KPNA7: variants seen among roughly 807,000 people sequenced by gnomAD.
KPNA7 encodes karyopherin subunit alpha 7, also known as importin subunit alpha-8.
Under a neutral mutation model 53.7 loss-of-function variants are expected in KPNA7, and 54 were observed. The observed-to-expected ratio is 1.01, with a 90% CI of 0.81 to 1.26. The LOEUF (loss-of-function observed/expected upper bound fraction) is 1.26. Ranked by LOEUF, KPNA7 falls within the 50% of genes most tolerant of loss-of-function variation. The pLI is 0.00. For missense variants in KPNA7, 640 were observed against 644.5 expected (o/e 0.99, Z 0.07); for synonymous variants, 276 against 259.3 (o/e 1.06, Z -0.62).
chr7:99,188,624 G>A, intron 6 of KPNA7, 61 bp from the exon 7 acceptor site: 2 of 1,491,824 alleles, frequency 1.3e-6, no homozygotes, highest in Non-Finnish European at 1.8e-6. Flanking sequence ...AAACAGCAGT[G>A]TGTTCTTACC....
the KPNA7 span, among the ~76,000 whole-genome samples, chr7:99,149,027 C>T: frequency 2.6e-5 from 4 of 151,540 alleles, no homozygotes; most frequent in East Asian, 7.8e-4. Flanking sequence ...TTCCGAGTAG[C>T]TGGGATTACA....
intron 3 of KPNA7, among the ~76,000 whole-genome samples, chr7:99,201,611 C>G (rs998362554): frequency 6.7e-6 from 1 of 149,914 alleles, no homozygotes; most frequent in Non-Finnish European, 1.5e-5. Context: ...TGCGGTGAGC[C>G]AAGATCGTGC....
the KPNA7 span, among the ~76,000 whole-genome samples, chr7:99,165,863 A>C: frequency 6.6e-6 from 1 of 152,066 alleles, no homozygotes. Flanking sequence ...TGTGTCTCTG[A>C]CCAAATCTCA....
upstream of KPNA7, among the ~76,000 whole-genome samples, chr7:99,211,725 C>G (rs1430053271): frequency 6.6e-6 from 1 of 152,212 alleles, no homozygotes; most frequent in South Asian, 2.1e-4. Context: ...AGGAAACCAA[C>G]AGCCCACACC....
intron 2 of KPNA7, among the ~76,000 whole-genome samples, chr7:99,204,798 G>A (rs1161323854): frequency 6.6e-6 from 1 of 152,152 alleles, no homozygotes; most frequent in African/African-American, 2.4e-5. Flanking sequence ...AGAGGCTGCA[G>A]TGAACTATGA....
intron 4 of KPNA7, 68 bp from the exon 5 acceptor site, chr7:99,195,406 A>G: frequency 6.9e-7 from 1 of 1,447,950 alleles, no homozygotes; most frequent in Non-Finnish European, 9.4e-7. Flanking sequence ...ACCTCCTTTT[A>G]GGCCAGGTGC....
At chr7:99,150,635 C>T in the KPNA7 span, among the ~76,000 whole-genome samples, 66 of 151,982 alleles carry the variant, frequency 4.3e-4, no homozygotes, top group African/African-American at 1.5e-3. Flanking sequence ...AGGCTGGTCT[C>T]GAACTCCTGA....
chr7:99,176,187 A>C (rs955681862), intron 10 of KPNA7, among the ~76,000 whole-genome samples: 3 of 151,400 alleles, frequency 2.0e-5, no homozygotes, highest in Non-Finnish European at 4.4e-5. Context: ...AATCCCAGCT[A>C]CTTGGGAGGC....
intron 6 of KPNA7, among the ~76,000 whole-genome samples, chr7:99,191,950 G>C (rs1789978082): frequency 1.3e-5 from 2 of 152,264 alleles, no homozygotes; most frequent in Non-Finnish European, 2.9e-5. Context: ...GTTCCCAGAT[G>C]AAGGTTTTGA....
intron 1 of KPNA7, among the ~76,000 whole-genome samples, chr7:99,215,412 C>T (rs1791193395): frequency 6.8e-6 from 1 of 148,080 alleles, no homozygotes; most frequent in African/African-American, 2.5e-5. Flanking sequence ...TTGCCACCTT[C>T]CTTCAAACCA....
chr7:99,187,796 TTTTAAAAAAAAAAAAAAAAAAAA>T (rs1296433197), intron 7 of KPNA7, among the ~76,000 whole-genome samples: 20 of 30,740 alleles, frequency 6.5e-4, no homozygotes, highest in Middle Eastern at 0.01. Context: ...CGGCCTTTTT[TTTTAAAAAAAAAAAAAAAAAAAA>T]AAAAAAAAAA....
intron 6 of KPNA7, among the ~76,000 whole-genome samples, chr7:99,189,382 C>T (rs1250941790): frequency 6.6e-6 from 1 of 151,908 alleles, no homozygotes; most frequent in Non-Finnish European, 1.5e-5. Context: ...CTACCTCCAC[C>T]TCCCAAAGTG....
At chr7:99,182,348 C>G (rs1206235314) in intron 8 of KPNA7, among the ~76,000 whole-genome samples, 1 of 152,162 alleles carries the variant, frequency 6.6e-6, no homozygotes, top group African/African-American at 2.4e-5. Flanking sequence ...CAGGTGTGTG[C>G]CACCACGCCC....
the KPNA7 span, among the ~76,000 whole-genome samples, chr7:99,160,517 C>T: frequency 2.0e-5 from 3 of 151,742 alleles, no homozygotes; most frequent in Non-Finnish European, 4.4e-5. Context: ...TTTTGAACTC[C>T]TAGGCTCAAG....
the KPNA7 span, among the ~76,000 whole-genome samples, chr7:99,157,685 C>G: frequency 6.6e-6 from 1 of 152,156 alleles, no homozygotes; most frequent in African/African-American, 2.4e-5. Context: ...ACTGAATGCC[C>G]TATGGATGTG....
intron 3 of KPNA7, among the ~76,000 whole-genome samples, chr7:99,199,231 G>A (rs1323004790): frequency 6.6e-6 from 1 of 151,984 alleles, no homozygotes; most frequent in Non-Finnish European, 1.5e-5. Context: ...TGCCCTTATT[G>A]TAGAAATTGA....
At chr7:99,204,182 C>T (rs1366741825) in intron 2 of KPNA7, among the ~76,000 whole-genome samples, 1 of 152,048 alleles carries the variant, frequency 6.6e-6, no homozygotes, top group Admixed American at 6.6e-5. Context: ...AATTCTAGAC[C>T]AGCCTGGACA....
chr7:99,199,065 G>GAAAAAAAAAAAA (rs67877761), intron 3 of KPNA7, among the ~76,000 whole-genome samples: 11 of 61,118 alleles, frequency 1.8e-4, no homozygotes, highest in East Asian at 5.8e-4. Context: ...GCTGCAAACT[G>GAAAAAAAAAAAA]AAAAAAAAAA....
chr7:99,181,917 A>T lies in KPNA7; in HGVS notation c.1283T>A (p.Leu428His). The T allele has an allele frequency of 6.4e-7, 1 of 1,550,798 alleles. No homozygotes were observed. Among genetic ancestry groups the T allele is most frequent in the Non-Finnish European group, 8.7e-7 (1 of 1,146,220 alleles). Residue 428 changes from leucine to histidine, a missense_variant, in exon 9 of 11, where the codon CTC (leucine) becomes CAC (histidine). By Grantham distance (99) the Leu-to-His change is moderately conservative. Transcript: ENST00000327442. ...LLTAPDVKIV[L>H]IILDVISCIL... ...GCAAGAGATGACATCAAGGATGATG[A>T]GAACAATTTTAACATCTGGGGCAGT...
Sources: allele counts gnomAD v4.1 joint callset (sites outside exome capture counted in the v4.1 genomes callset), GRCh38; gene constraint gnomAD v4.1.1; transcripts MANE v1.5; gene names NCBI Gene and HGNC (gene_info 2026-07-23, HGNC 2026-07-21).